Variants in DRC11 observed in about 807,000 individuals in gnomAD.
The protein encoded by DRC11 is IQ and AAA domain-containing protein 1.
At chr2:236,493,740 T>C in the DRC11 span, 2 of 1,545,112 alleles carry the variant, frequency 1.3e-6, no homozygotes, top group Non-Finnish European at 1.8e-6. Flanking sequence ...AGATTATGGA[T>C]TAATGTTTGT....
At chr2:236,470,335 A>C in the DRC11 span, among the ~76,000 whole-genome samples, 14 of 152,194 alleles carry the variant, frequency 9.2e-5, no homozygotes, top group Non-Finnish European at 1.9e-4. This position sits in a 1 kb window ranked among gnomAD's most constrained non-coding sequence, Gnocchi z 5.1. Context: ...CCAAAGGTGA[A>C]GAAGGAGCAG....
At chr2:236,355,477 G>A in the DRC11 span, among the ~76,000 whole-genome samples, 2 of 152,216 alleles carry the variant, frequency 1.3e-5, no homozygotes, top group African/African-American at 4.8e-5. Context: ...TGGAAGGTGA[G>A]CCTGGCCTCT....
chr2:236,416,708 CATATATATATATTTATATAT>C, the DRC11 span, among the ~76,000 whole-genome samples: 169 of 74,574 alleles, frequency 2.3e-3, 2 homozygotes, highest in African/African-American at 6.8e-3. Flanking sequence ...TATTTATTTA[CATATATATATATTTATATAT>C]ATATATATAT....
At chr2:236,455,932 G>A in the DRC11 span, among the ~76,000 whole-genome samples, 1 of 151,852 alleles carries the variant, frequency 6.6e-6, no homozygotes, top group Non-Finnish European at 1.5e-5. This position sits in a 1 kb window ranked among gnomAD's most constrained non-coding sequence, Gnocchi z 5.7. Flanking sequence ...CCCCTCAGCT[G>A]CATGCCCACC....
At chr2:236,408,923 G>A in the DRC11 span, 21 of 672,866 alleles carry the variant, frequency 3.1e-5, no homozygotes, top group African/African-American at 3.4e-4. The surrounding 1 kb of genome is among the most constrained non-coding windows in gnomAD (Gnocchi z 5.5). Context: ...TGTGGGTCAT[G>A]CCAACCTTGT....
At chr2:236,424,734 C>T in the DRC11 span, among the ~76,000 whole-genome samples, 4 of 151,930 alleles carry the variant, frequency 2.6e-5, no homozygotes, top group East Asian at 7.7e-4. Context: ...GGTCATCATG[C>T]TGGACAATAC....
the DRC11 span, chr2:236,368,393 C>T: frequency 1.5e-6 from 1 of 667,656 alleles, no homozygotes; most frequent in South Asian, 1.8e-5. Context: ...TCGGAGAATA[C>T]AAATTGAACA....
chr2:236,357,341 T>C, the DRC11 span, among the ~76,000 whole-genome samples: 1 of 115,690 alleles, frequency 8.6e-6, no homozygotes, highest in Non-Finnish European at 1.6e-5. Flanking sequence ...TATATGAATA[T>C]ATATATTATA....
the DRC11 span, among the ~76,000 whole-genome samples, chr2:236,339,326 A>C: frequency 6.6e-6 from 1 of 152,200 alleles, no homozygotes; most frequent in Non-Finnish European, 1.5e-5. Context: ...GAAGTCCCTC[A>C]ATATTACATG....
the DRC11 span, among the ~76,000 whole-genome samples, chr2:236,451,938 G>A: frequency 1.3e-5 from 2 of 152,126 alleles, no homozygotes. Context: ...AAGTATGTAT[G>A]CCTAGTAGAC....
chr2:236,403,346 A>AAGAG, the DRC11 span, among the ~76,000 whole-genome samples: 1 of 151,842 alleles, frequency 6.6e-6, no homozygotes, highest in Non-Finnish European at 1.5e-5. Context: ...GAGGGAGGAA[A>AAGAG]AGAGAGACAG....
the DRC11 span, among the ~76,000 whole-genome samples, chr2:236,472,946 C>T: frequency 6.6e-6 from 1 of 152,224 alleles, no homozygotes; most frequent in East Asian, 1.9e-4. This position sits in a 1 kb window ranked among gnomAD's most constrained non-coding sequence, Gnocchi z 4.6. Context: ...TGGAAACTCA[C>T]ACTCGTTTCC....
At chr2:236,341,079 G>A in the DRC11 span, among the ~76,000 whole-genome samples, 1 of 152,296 alleles carries the variant, frequency 6.6e-6, no homozygotes, top group East Asian at 1.9e-4. Flanking sequence ...ATTACTTTGG[G>A]CAATTTCAAA....
chr2:236,352,923 G>C, the DRC11 span, among the ~76,000 whole-genome samples: 945 of 152,232 alleles, frequency 6.2e-3, 8 homozygotes, highest in South Asian at 0.018. The surrounding 1 kb of genome is among the most constrained non-coding windows in gnomAD (Gnocchi z 7.0). Context: ...GAGGGGCCTG[G>C]ACATTCTGTG....
chr2:236,317,050 C>T, the DRC11 span, among the ~76,000 whole-genome samples: 2 of 152,290 alleles, frequency 1.3e-5, no homozygotes, highest in Admixed American at 1.3e-4. This position sits in a 1 kb window ranked among gnomAD's most constrained non-coding sequence, Gnocchi z 5.4. Context: ...AATCCCAGCA[C>T]TTTGGGAGGC....
the DRC11 span, chr2:236,380,777 T>C: frequency 1.5e-6 from 1 of 672,278 alleles, no homozygotes. This position sits in a 1 kb window ranked among gnomAD's most constrained non-coding sequence, Gnocchi z 4.9. Flanking sequence ...AGAGCTGCCG[T>C]GTTTTCATGA....
the DRC11 span, among the ~76,000 whole-genome samples, chr2:236,330,568 G>A: frequency 6.6e-6 from 1 of 152,180 alleles, no homozygotes; most frequent in Admixed American, 6.5e-5. The surrounding 1 kb of genome is among the most constrained non-coding windows in gnomAD (Gnocchi z 5.5). Context: ...GTGTTGCAGA[G>A]GGAAATTTTC....
At chr2:236,343,187 G>C in the DRC11 span, among the ~76,000 whole-genome samples, 2 of 147,470 alleles carry the variant, frequency 1.4e-5, no homozygotes, top group Non-Finnish European at 3.1e-5. The surrounding 1 kb of genome is among the most constrained non-coding windows in gnomAD (Gnocchi z 6.6). Flanking sequence ...GGTGTCTACA[G>C]GGTATATTTC....
chr2:236,443,198 T>C, the DRC11 span, among the ~76,000 whole-genome samples: 1 of 152,206 alleles, frequency 6.6e-6, no homozygotes, highest in Non-Finnish European at 1.5e-5. The surrounding 1 kb of genome is among the most constrained non-coding windows in gnomAD (Gnocchi z 4.4). Flanking sequence ...AATTTTAAGT[T>C]GTGGGGTACA....
Sources: gnomAD v4.1 joint callset for allele counts (sites outside exome capture counted in the v4.1 genomes callset) on GRCh38, gnomAD v4.1.1 for gene constraint, Gnocchi (gnomAD v3.1) non-coding constraint, MANE v1.5 for transcripts, NCBI Gene and HGNC (gene_info 2026-07-23, HGNC 2026-07-21) for gene names.